TCTN2: variants seen among roughly 807,000 people sequenced by gnomAD.
TCTN2 encodes the protein tectonic family member 2.
In TCTN2, 66 loss-of-function variants were observed where a neutral mutation model predicts 83.4. That is an observed-to-expected ratio of 0.79 (90% CI 0.65 to 0.97). The LOEUF (loss-of-function observed/expected upper bound fraction) is 0.97. Among genes scored for constraint, TCTN2 ranks in the 50% least tolerant of loss-of-function variants. The probability of loss-of-function intolerance (pLI) is 0.00; values close to 1 mark genes in which losing one functional copy is unlikely to be tolerated. For synonymous variants in TCTN2, 301 were observed against 326.7 expected, an observed-to-expected ratio of 0.92 and a Z score of 0.85; for missense variants, 794 against 858.1, an observed-to-expected ratio of 0.93 and a Z score of 0.93.
rs1458208156 is a variant in TCTN2 at position 123,707,746 on chromosome 12, A to G, written c.*33A>G. The G allele has an allele frequency of 5.1e-6, 8 of 1,559,426 alleles. No individual in the cohort carries two copies. Among genetic ancestry groups the G allele is most frequent in the African/African-American group, 2.7e-5 (2 of 73,666 alleles). On this transcript the variant is annotated 3_prime_UTR_variant, in exon 18 of 18. Transcript: ENST00000303372. ...CCTGGCTTTTATTTTTTTGAGATGG[A>G]GTTTTGCTCTTGTTGCCCAGGCTGA...
At position 123,688,042 on chromosome 12, in the gene TCTN2, G is replaced by T; in HGVS notation, c.765-9G>T. 1.2e-6 allele frequency: 2 copies of T among 1,613,658 alleles called. No homozygotes were observed. The highest frequency in any genetic ancestry group is 2.2e-5 in the South Asian group (2 of 91,024). ...CTGAAACTATTCAGCCTTTCTTATT[G>T]ATTTTCAGTTCCCCCAAACAGGACT... On this transcript the variant is annotated splice_polypyrimidine_tract_variant and intron_variant, in intron 6 of 17. Coordinates refer to ENST00000303372, the MANE Select transcript of TCTN2 (RefSeq NM_024809.5).
chr12:123,697,546 C>G (rs1296629592), intron 13 of TCTN2, among the ~76,000 whole-genome samples: 2 of 152,162 alleles, frequency 1.3e-5, no homozygotes, highest in Non-Finnish European at 2.9e-5. Flanking sequence ...GTCACCTAGG[C>G]TGGAGTGCAG....
intron 14 of TCTN2, among the ~76,000 whole-genome samples, chr12:123,700,866 G>C (rs1369538631): frequency 6.6e-6 from 1 of 152,176 alleles, no homozygotes; most frequent in Non-Finnish European, 1.5e-5. Context: ...GAGGATCGCT[G>C]GAGCCTAGGA....
intron 16 of TCTN2, 28 bp from the exon 17 acceptor site, chr12:123,706,957 T>G: frequency 6.2e-7 from 1 of 1,613,788 alleles, no homozygotes; most frequent in Non-Finnish European, 8.5e-7. Flanking sequence ...CACTTGTAGT[T>G]TTTGTAACCC....
chr12:123,672,003 C>T (rs1448051340), intron 2 of TCTN2, 53 bp from the exon 3 acceptor site: 1 of 1,476,682 alleles, frequency 6.8e-7, no homozygotes, highest in Non-Finnish European at 9.5e-7. Flanking sequence ...ACTCAATGCA[C>T]CCCCTGAGCT....
At chr12:123,679,031 T>A (rs1410358230) in intron 4 of TCTN2, among the ~76,000 whole-genome samples, 158 bp from the exon 5 acceptor site, 1 of 152,094 alleles carries the variant, frequency 6.6e-6, no homozygotes, top group Non-Finnish European at 1.5e-5. Flanking sequence ...TCTCCTGACC[T>A]CATGATCCAC....
intron 17 of TCTN2, chr12:123,707,346 A>G: frequency 1.6e-6 from 1 of 615,924 alleles, no homozygotes. Context: ...TCCTGGGTTC[A>G]GACAACTCTC....
chr12:123,687,411 A>C (rs1455927181), intron 6 of TCTN2, among the ~76,000 whole-genome samples: 2 of 152,184 alleles, frequency 1.3e-5, no homozygotes, highest in African/African-American at 4.8e-5. Context: ...TAATCCCAGC[A>C]CTTTGGGAGG....
At chr12:123,696,533 A>T (rs780419333) in intron 12 of TCTN2, 38 bp downstream of exon 12, 3 of 1,546,840 alleles carry the variant, frequency 1.9e-6, no homozygotes, top group Admixed American at 1.7e-5. Flanking sequence ...CCCTTTGGCA[A>T]ATTGGTGTTA....
At chr12:123,694,820 G>T in intron 9 of TCTN2, 22 bp from the exon 10 acceptor site, 1 of 1,607,812 alleles carries the variant, frequency 6.2e-7, no homozygotes, top group South Asian at 1.1e-5. Flanking sequence ...TTTAATTTAT[G>T]AACATATTCT....
chr12:123,671,680 G>C, intron 2 of TCTN2, 66 bp downstream of exon 2: 1 of 1,473,166 alleles, frequency 6.8e-7, no homozygotes, highest in Non-Finnish European at 9.4e-7. Context: ...CAAGGAGCCT[G>C]GAGAGGTGGC....
rs1955997580 is a variant in TCTN2, at chr12:123,688,154, A to G, written c.868A>G (p.Lys290Glu). 2 of 1,613,720 alleles carry G rather than the reference A, an allele frequency of 1.2e-6. No individual in the cohort carries two copies. The highest frequency in any genetic ancestry group is 2.2e-5 in the East Asian group (1 of 44,880). Residue 290 changes from lysine (K) to glutamate (E), a missense_variant, in exon 7 of 18, where the codon AAG (lysine) becomes GAG (glutamate). Transcript: ENST00000303372. ...AGGAGATCCCATTATGACTGTAAAG[A>G]AGGCATATTTTACTATTCCGCAGGT... ...KQGDPIMTVK[K>E]AYFTIPQVSL... is the part of the protein sequence containing the mutation.
intron 2 of TCTN2, 123 bp from the exon 3 acceptor site, chr12:123,671,933 C>T (rs912615838): frequency 4.7e-6 from 4 of 852,274 alleles, no homozygotes; most frequent in Admixed American, 3.4e-5. Flanking sequence ...GTCCCAGTGT[C>T]AAGCAGCTTG....
intron 14 of TCTN2, among the ~76,000 whole-genome samples, chr12:123,703,037 G>A (rs551968288): frequency 5.9e-5 from 9 of 152,214 alleles, no homozygotes; most frequent in African/African-American, 2.2e-4. Flanking sequence ...TCTCCAAGAC[G>A]AATGCAAATT....
At chr12:123,696,841 A>G in intron 12 of TCTN2, 1 of 545,924 alleles carries the variant, frequency 1.8e-6, no homozygotes, top group South Asian at 2.0e-5. Context: ...TCTGTGCTTC[A>G]GTGGTAATTA....
intron 13 of TCTN2, among the ~76,000 whole-genome samples, chr12:123,698,907 G>A (rs905567941): frequency 6.6e-6 from 1 of 152,092 alleles, no homozygotes; most frequent in African/African-American, 2.4e-5. Context: ...TCCCTCTCCT[G>A]CAGTTCATGA....
At chr12:123,675,862 TG>T (rs1197886516) in intron 4 of TCTN2, among the ~76,000 whole-genome samples, 4 of 151,984 alleles carry the variant, frequency 2.6e-5, no homozygotes, top group Non-Finnish European at 5.9e-5. Context: ...AATTTTTCTA[TG>T]GCTTAAAATT....
chr12:123,690,883 T>G (rs1010748660), intron 8 of TCTN2, among the ~76,000 whole-genome samples: 1 of 152,198 alleles, frequency 6.6e-6, no homozygotes, highest in African/African-American at 2.4e-5. Flanking sequence ...AACATAAATT[T>G]AGCCTTTTTG....
chr12:123,674,051 G>A (rs1955790461), intron 4 of TCTN2, among the ~76,000 whole-genome samples: 1 of 152,108 alleles, frequency 6.6e-6, no homozygotes, highest in Non-Finnish European at 1.5e-5. Context: ...AAGCTTACCT[G>A]TTTGATTATA....
Sources: allele counts gnomAD v4.1 joint callset (sites outside exome capture counted in the v4.1 genomes callset), GRCh38; gene constraint gnomAD v4.1.1; transcripts MANE v1.5; gene names NCBI Gene and HGNC (gene_info 2026-07-23, HGNC 2026-07-21).